SLC26A7: variants seen among roughly 807,000 people sequenced by gnomAD.
The protein encoded by SLC26A7 is solute carrier family 26 member 7.
SLC26A7 carries 59 observed loss-of-function variants against 82.5 expected under a neutral mutation model. That is an observed-to-expected ratio of 0.72 (90% CI 0.58 to 0.89). SLC26A7 has a LOEUF of 0.89. Ranked by LOEUF, SLC26A7 falls within the 40% of genes least tolerant of loss-of-function variation. The pLI, the probability that SLC26A7 is intolerant of heterozygous loss-of-function variation, is 0.00. For missense variants in SLC26A7, 820 were observed against 793.0 expected (o/e 1.03, Z -0.41); for synonymous variants, 271 against 274.3 (o/e 0.99, Z 0.12).
chr8:91,239,753 G>C (rs759780801), intron 2 of SLC26A7, among the ~76,000 whole-genome samples: 4 of 152,132 alleles, frequency 2.6e-5, no homozygotes, highest in Non-Finnish European at 5.9e-5. Flanking sequence ...TGACACAGAT[G>C]GATTTGAGTT....
At chr8:91,248,455 C>G (rs575886812), upstream of SLC26A7, among the ~76,000 whole-genome samples, 1 of 152,214 alleles carries the variant, frequency 6.6e-6, no homozygotes. Context: ...AAGGACTCAG[C>G]AAACTATATA....
intron 11 of SLC26A7, among the ~76,000 whole-genome samples, chr8:91,359,893 T>TGC (rs956133558): frequency 1.6e-4 from 23 of 143,008 alleles, no homozygotes; most frequent in African/African-American, 4.7e-4. Flanking sequence ...TGTGTGTGTG[T>TGC]GTGCGCATGT....
intron 1 of SLC26A7, among the ~76,000 whole-genome samples, chr8:91,210,096 G>A (rs563068640): frequency 3.3e-5 from 5 of 152,254 alleles, no homozygotes; most frequent in Admixed American, 2.6e-4. Context: ...CTTTGGTGGA[G>A]GCTAAAAGGT....
At chr8:91,276,883 C>A (rs1811421432) in intron 2 of SLC26A7, among the ~76,000 whole-genome samples, 1 of 152,204 alleles carries the variant, frequency 6.6e-6, no homozygotes. Flanking sequence ...CTGTCACTTT[C>A]TCTTCCTAAC....
At chr8:91,394,854 C>A (rs1183628854) in intron 18 of SLC26A7, 23 of 770,152 alleles carry the variant, frequency 3.0e-5, no homozygotes, top group Non-Finnish European at 3.8e-6. Flanking sequence ...GAAATTACAC[C>A]ATCTGTAAGT....
chr8:91,229,906 T>C (rs577084142), intron 2 of SLC26A7, among the ~76,000 whole-genome samples: 1 of 152,320 alleles, frequency 6.6e-6, no homozygotes, highest in South Asian at 2.1e-4. Context: ...AAAATTCGTT[T>C]ATCTGAAATT....
chr8:91,337,711 T>A (rs925152973), intron 6 of SLC26A7, among the ~76,000 whole-genome samples: 23 of 152,162 alleles, frequency 1.5e-4, no homozygotes, highest in African/African-American at 5.5e-4. Context: ...TAACATGGAT[T>A]AGGAATATCG....
chr8:91,348,403 T>C, intron 9 of SLC26A7: 1 of 973,914 alleles, frequency 1.0e-6, no homozygotes, highest in Non-Finnish European at 1.2e-6. Flanking sequence ...TATCTAGGTA[T>C]GGATAATAAA....
At position 91,328,021 on chromosome 8, in the gene SLC26A7, A is replaced by G. The variant is rs150273668; in HGVS notation, c.643-6274A>G. Among the ~76,000 whole-genome samples the G allele has an allele frequency of 9.1e-3, 1,391 of 152,256 alleles. 12 individuals are homozygous for G. Among genetic ancestry groups the G allele is most frequent in the African/African-American group, 0.032 (1,321 of 41,566 alleles). On this transcript the variant is annotated intron_variant, in intron 5 of 18. Coordinates refer to ENST00000276609, the MANE Select transcript of SLC26A7 (RefSeq NM_052832.4). ...TATTACAACAAAACCTAAACCAACC[A>G]GAATGCAGAGGAAAGTAATGTTTTG... is the stretch of plus-strand genomic sequence containing the variant.
chr8:91,345,977 C>T (rs750313619), intron 9 of SLC26A7, among the ~76,000 whole-genome samples: 5 of 152,078 alleles, frequency 3.3e-5, no homozygotes, highest in African/African-American at 1.2e-4. Flanking sequence ...GATAAAGCAG[C>T]GCCCCTTCTC....
chr8:91,233,407 A>C (rs528968465), intron 2 of SLC26A7, among the ~76,000 whole-genome samples: 1 of 152,004 alleles, frequency 6.6e-6, no homozygotes, highest in South Asian at 2.1e-4. Flanking sequence ...TCTCTACTAA[A>C]AATTCAAAAA....
At chr8:91,255,547 G>A (rs1810778355) in intron 2 of SLC26A7, among the ~76,000 whole-genome samples, 1 of 151,972 alleles carries the variant, frequency 6.6e-6, no homozygotes, top group Non-Finnish European at 1.5e-5. Context: ...TTTTCTCCAG[G>A]AGCAATGGCA....
At position 91,267,559 on chromosome 8, in the gene SLC26A7, A is replaced by AT. The variant is rs1811148077; in HGVS notation, c.193+17715_193+17716insT. ...AATTCATTGGTCAATAGTTGTTCAC[A>AT]ATAGTCTTTTATGACCTTTTGTATT... On this transcript the variant is annotated intron_variant, in intron 2 of 18. Coordinates refer to ENST00000276609, the MANE Select transcript of SLC26A7 (RefSeq NM_052832.4). Among the ~76,000 whole-genome samples, 3 of 152,000 alleles carry AT rather than the reference A, an allele frequency of 2.0e-5. No homozygotes were observed. In the South Asian group the frequency reaches 6.2e-4, roughly 31 times the overall value.
At chr8:91,284,845 ATAT>A (rs1811667904) in intron 2 of SLC26A7, among the ~76,000 whole-genome samples, 1 of 152,222 alleles carries the variant, frequency 6.6e-6, no homozygotes, top group African/African-American at 2.4e-5. Context: ...AAAGGTTGTA[ATAT>A]TATTTAATAT....
intron 15 of SLC26A7, among the ~76,000 whole-genome samples, chr8:91,380,029 A>G (rs1431496399): frequency 6.6e-6 from 1 of 152,124 alleles, no homozygotes; most frequent in Non-Finnish European, 1.5e-5. Context: ...CAAAATATAT[A>G]CATATAGGAA....
intron 4 of SLC26A7, among the ~76,000 whole-genome samples, chr8:91,300,438 C>T (rs1462426207): frequency 6.6e-6 from 1 of 151,316 alleles, no homozygotes; most frequent in African/African-American, 2.4e-5. Flanking sequence ...TGCTCTGTCA[C>T]CCAGGCTGGA....
chr8:91,228,168 C>T (rs1810261697), intron 2 of SLC26A7, among the ~76,000 whole-genome samples: 1 of 152,178 alleles, frequency 6.6e-6, no homozygotes, highest in Admixed American at 6.5e-5. Flanking sequence ...AGAGTCAGTG[C>T]CCTGAGGGGC....
intron 2 of SLC26A7, among the ~76,000 whole-genome samples, chr8:91,258,743 CAGA>C (rs921733960): frequency 6.6e-6 from 1 of 152,074 alleles, no homozygotes; most frequent in African/African-American, 2.4e-5. Flanking sequence ...TAGCATAAGG[CAGA>C]AGGAGTGTTT....
At position 91,342,658 on chromosome 8, in the gene SLC26A7, A is replaced by G. The variant is rs1813452856; in HGVS notation, c.1027-695A>G. Among the ~76,000 whole-genome samples, 3 of 152,346 alleles carry G rather than the reference A, an allele frequency of 2.0e-5. No individual in the cohort carries two copies. The South Asian group carries it at 6.2e-4, about 32-fold the overall frequency. ...GTTGGGTGGTAGAAAGCTGTAGCCCAATTTAGGAAGTTGGAGATATCTGTT... is the reference window on the plus strand; with the variant it reads ...GTTGGGTGGTAGAAAGCTGTAGCCCGATTTAGGAAGTTGGAGATATCTGTT... On this transcript the variant is annotated intron_variant, in intron 8 of 18. Transcript: ENST00000276609.
Sources: allele counts gnomAD v4.1 joint callset (sites outside exome capture counted in the v4.1 genomes callset), GRCh38; gene constraint gnomAD v4.1.1; transcripts MANE v1.5; gene names NCBI Gene and HGNC (gene_info 2026-07-23, HGNC 2026-07-21).